Variants in CSMD1 observed in about 807,000 individuals in gnomAD.
CSMD1 encodes CUB and sushi domain-containing protein 1.
CSMD1 carries 213 observed loss-of-function variants against 417.5 expected under a neutral mutation model. The ratio of observed to expected loss-of-function variants is 0.51; its 90% CI spans 0.46 to 0.57. CSMD1 has a LOEUF of 0.57. Ranked by LOEUF, CSMD1 falls within the 20% of genes least tolerant of loss-of-function variation. The pLI is 0.00. For synonymous variants in CSMD1, 2,862 were observed against 1,736.8 expected (o/e 1.65, Z -16.11); for missense variants, 6,923 against 4,529.7 (o/e 1.53, Z -15.17).
chr8:4,968,550 T>G (rs545465049), intron 1 of CSMD1, among the ~76,000 whole-genome samples: 5 of 152,198 alleles, frequency 3.3e-5, no homozygotes, highest in African/African-American at 7.2e-5. Flanking sequence ...TTAATATTTT[T>G]TATATATATT....
At chr8:4,622,393 C>G (rs937942107) in intron 2 of CSMD1, among the ~76,000 whole-genome samples, 1 of 152,144 alleles carries the variant, frequency 6.6e-6, no homozygotes, top group South Asian at 2.1e-4. Flanking sequence ...GTCTGTGGGA[C>G]CTTCTGGCGA....
Position 3,283,040 on chromosome 8 carries a change from A to G in CSMD1, c.4153+1104T>C, listed in dbSNP as rs141735027. Among the ~76,000 whole-genome samples, 349 of 152,242 alleles carry G rather than the reference A, an allele frequency of 2.3e-3. 2 individuals are homozygous for G. Among genetic ancestry groups the G allele is most frequent in the African/African-American group, 7.9e-3 (328 of 41,534 alleles). ...ATCTCCACTCCTTCCTCCTTCGGAA[A>G]CCTTTCATCAAAAATGGGCTAGACA... On this transcript the variant is annotated intron_variant, in intron 26 of 69. Transcript: ENST00000635120.
intron 1 of CSMD1, among the ~76,000 whole-genome samples, chr8:4,792,502 A>C (rs968146283): frequency 6.6e-6 from 1 of 152,168 alleles, no homozygotes; most frequent in Non-Finnish European, 1.5e-5. Flanking sequence ...TTCCCTGGGC[A>C]GTTGTGGTTG....
At chr8:3,847,051 G>T (rs751761916) in intron 5 of CSMD1, among the ~76,000 whole-genome samples, 3 of 152,074 alleles carry the variant, frequency 2.0e-5, no homozygotes, top group Non-Finnish European at 4.4e-5. Context: ...TCTAGTCTCA[G>T]GTTTAGAAGC....
At chr8:4,456,476 G>A (rs1799494573) in intron 2 of CSMD1, among the ~76,000 whole-genome samples, 1 of 152,122 alleles carries the variant, frequency 6.6e-6, no homozygotes, top group African/African-American at 2.4e-5. Flanking sequence ...CCAACAGACA[G>A]GGAATAGTCT....
At chr8:3,593,951 C>A (rs183601596) in intron 8 of CSMD1, among the ~76,000 whole-genome samples, 1 of 152,204 alleles carries the variant, frequency 6.6e-6, no homozygotes. Context: ...GTTTCCTGAA[C>A]AAGGTGCTAA....
chr8:4,327,542 A>C (rs546754845), intron 3 of CSMD1, among the ~76,000 whole-genome samples: 12 of 152,100 alleles, frequency 7.9e-5, no homozygotes, highest in Non-Finnish European at 1.6e-4. Flanking sequence ...TTCCAGCTCC[A>C]ATGTTGGCTT....
In CSMD1 at chr8:3,972,120, C is replaced by T. The variant is rs765911038; in HGVS notation, c.818+25783G>A. On this transcript the variant is annotated intron_variant, in intron 5 of 69. Transcript: ENST00000635120. ...TCCTGGGCTCAAGAGATCCTCCTGC[C>T]TGGGACGGCGAAAGTGCTGGGATGA... Among the ~76,000 whole-genome samples, 58 of 152,108 alleles carry T rather than the reference C, an allele frequency of 3.8e-4. 1 individual carries two copies. Among genetic ancestry groups the T allele is most frequent in the Non-Finnish European group, 1.2e-4 (8 of 68,042 alleles).
intron 16 of CSMD1, 77 bp from the exon 17 acceptor site, chr8:3,396,458 C>T: frequency 3.8e-6 from 4 of 1,052,150 alleles, no homozygotes; most frequent in Non-Finnish European, 5.4e-6. Flanking sequence ...ATCCTCATTC[C>T]TTAATCAGAA....
chr8:3,273,094 G>A (rs1431949665), intron 26 of CSMD1, among the ~76,000 whole-genome samples: 1 of 152,042 alleles, frequency 6.6e-6, no homozygotes, highest in African/African-American at 2.4e-5. Context: ...TTATTATTTT[G>A]AGATACGTCC....
chr8:4,649,131 C>G (rs1447109315), intron 1 of CSMD1, among the ~76,000 whole-genome samples: 2 of 152,194 alleles, frequency 1.3e-5, no homozygotes, highest in Non-Finnish European at 2.9e-5. Flanking sequence ...ATCTAACCTT[C>G]TCAAGAAGAT....
chr8:4,154,732 T>A (rs1271818832), intron 3 of CSMD1, among the ~76,000 whole-genome samples: 1 of 152,184 alleles, frequency 6.6e-6, no homozygotes, highest in Admixed American at 6.5e-5. Flanking sequence ...AGACCTACCT[T>A]ATGCAAGTAA....
chr8:3,635,110 C>T lies in CSMD1; in HGVS notation c.1010-18313G>A, dbSNP rs975122274. On this transcript the variant is annotated intron_variant, in intron 7 of 69. Coordinates refer to ENST00000635120, the MANE Select transcript of CSMD1 (RefSeq NM_033225.6). ...TATAAACAGAGCTTGTGGGCCTTGA[C>T]GTTGCTCTGGGTGACTCAGTAAGTG... 9.2e-5 allele frequency among the ~76,000 whole-genome samples: 14 copies of T among 152,132 alleles called. No homozygotes were observed. In the East Asian group the frequency reaches 1.2e-3, roughly 13 times the overall value.
Position 3,930,785 on chromosome 8 carries a change from A to G in CSMD1, c.818+67118T>C, listed in dbSNP as rs543280113. ...ACGGCACCAGGGAACAAGCATTTCT[A>G]ACATGTACAAGGGTCAAGATTTCTT... is the stretch of plus-strand genomic sequence containing the variant. On this transcript the variant is annotated intron_variant, in intron 5 of 69. Transcript: ENST00000635120. Among the ~76,000 whole-genome samples the G allele has an allele frequency of 6.2e-4, 93 of 150,744 alleles. 4 individuals are homozygous for G. Among genetic ancestry groups the G allele is most frequent in the African/African-American group, 2.2e-3 (91 of 40,948 alleles).
At chr8:3,287,312 A>G (rs1420289321) in intron 25 of CSMD1, among the ~76,000 whole-genome samples, 1 of 152,002 alleles carries the variant, frequency 6.6e-6, no homozygotes, top group Non-Finnish European at 1.5e-5. Context: ...TATGAACTTT[A>G]AAGTAGTTTT....
At chr8:3,008,907 T>C (rs969710655) in intron 52 of CSMD1, among the ~76,000 whole-genome samples, 1 of 152,066 alleles carries the variant, frequency 6.6e-6, no homozygotes, top group Non-Finnish European at 1.5e-5. Flanking sequence ...GCACGCAGAG[T>C]GAACACCTCA....
At chr8:3,587,066 C>T (rs761761250) in intron 8 of CSMD1, among the ~76,000 whole-genome samples, 4 of 152,198 alleles carry the variant, frequency 2.6e-5, no homozygotes, top group Non-Finnish European at 4.4e-5. Flanking sequence ...TCTCAAAATG[C>T]TAGGATTACA....
intron 3 of CSMD1, among the ~76,000 whole-genome samples, chr8:4,033,454 C>T (rs1797462049): frequency 6.6e-6 from 1 of 151,936 alleles, no homozygotes; most frequent in Admixed American, 6.6e-5. Flanking sequence ...AAAAACAAAA[C>T]AACAACAATA....
chr8:4,766,493 C>A (rs6999715), intron 1 of CSMD1, among the ~76,000 whole-genome samples: 92,547 of 152,196 alleles, frequency 0.61, 28,532 homozygotes, highest in Admixed American at 0.72. Flanking sequence ...ACCAGAAAGT[C>A]AGGCAACTAT....
Sources: gnomAD v4.1 joint callset for allele counts (sites outside exome capture counted in the v4.1 genomes callset) on GRCh38, gnomAD v4.1.1 for gene constraint, MANE v1.5 for transcripts, NCBI Gene and HGNC (gene_info 2026-07-23, HGNC 2026-07-21) for gene names.